The following BORCS8 variants were observed in gnomAD, a reference collection of about 807,000 sequenced individuals.
BORCS8 encodes the protein BLOC-1-related complex subunit 8.
A neutral mutation model predicts 18.7 loss-of-function variants in BORCS8; 13 were observed. That is an observed-to-expected ratio of 0.70 (90% CI 0.45 to 1.11). The LOEUF is 1.11. Ranked by LOEUF, BORCS8 falls within the 50% of genes least tolerant of loss-of-function variation. The pLI is 0.00. For synonymous variants in BORCS8, 68 were observed against 64.8 expected (o/e 1.05, Z -0.24); for missense variants, 165 against 165.7 (o/e 1.00, Z 0.02).
intron 1 of BORCS8, among the ~76,000 whole-genome samples, chr19:19,191,855 C>T (rs900503584): frequency 6.6e-6 from 1 of 152,204 alleles, no homozygotes; most frequent in Non-Finnish European, 1.5e-5. Context: ...ACAAAGCCAC[C>T]ACTCCCAGCC....
Position 19,182,285 on chromosome 19 carries a change from CA to C in BORCS8, c.326+287del. 1 of 647,106 alleles carries C rather than the reference CA, an allele frequency of 1.5e-6. No homozygotes were observed. Among genetic ancestry groups the C allele is most frequent in the African/African-American group, 1.9e-5 (1 of 53,860 alleles). 40.1% of individuals were successfully genotyped at this position (647,106 alleles called of 1,614,324 possible). A position where few individuals can be genotyped will look rare whatever the true frequency, so the allele number is the denominator to read the frequency against. ...GCGCATCTGACATGCTCTTGTCTGCCATGTTTACCTGGTTGTCGTATGTCTC... is the reference window on the plus strand; with the variant it reads ...GCGCATCTGACATGCTCTTGTCTGCCTGTTTACCTGGTTGTCGTATGTCTC... On this transcript the variant is annotated intron_variant, in intron 4 of 5. Transcript: ENST00000462790. This position sits in a 1 kb window ranked among gnomAD's most constrained non-coding sequence, Gnocchi z 4.1.
rs1568561923 is a variant in BORCS8, at chr19:19,177,690, AAGG to A, written c.*43-233_*43-231del. The A allele has an allele frequency of 2.3e-4, 13 of 55,594 alleles. No homozygotes were observed. The Admixed American group carries it at 2.6e-3, about 11-fold the overall frequency. 3.4% of individuals were successfully genotyped at this position (55,594 alleles called of 1,614,324 possible). A position where few individuals can be genotyped will look rare whatever the true frequency, so the allele number is the denominator to read the frequency against. Reference sequence around the variant, plus strand: ...GAAGGAAGGAAGGAAGGAAGGAAGGAAGGAAGAGAAAAGAAAAGAAAAGAAAAG... The same window carrying A: ...GAAGGAAGGAAGGAAGGAAGGAAGGAAAGAGAAAAGAAAAGAAAAGAAAAG... On this transcript the variant is annotated intron_variant, in intron 5 of 5. Transcript: ENST00000462790.
At chr19:19,178,399 G>C (rs1198215669) in intron 5 of BORCS8, 1 of 152,562 alleles carries the variant, frequency 6.6e-6, no homozygotes, top group Non-Finnish European at 1.5e-5. Context: ...CTGAGAGACA[G>C]ACCCAAGGCA....
At chr19:19,191,055 T>C (rs537136947) in intron 1 of BORCS8, among the ~76,000 whole-genome samples, 40 of 152,170 alleles carry the variant, frequency 2.6e-4, no homozygotes, top group Middle Eastern at 3.2e-3. Context: ...TAGGGTGATT[T>C]AAAGTATAGG....
At position 19,186,729 on chromosome 19, in the gene BORCS8, G is replaced by A. The variant is rs1438216383; in HGVS notation, c.150+164C>T. ...CTTGGCTATGTCCTGATAGCAGCATGAGAATGAACTAATACACACATCTTG... is the reference window on the plus strand; with the variant it reads ...CTTGGCTATGTCCTGATAGCAGCATAAGAATGAACTAATACACACATCTTG... On this transcript the variant is annotated intron_variant, in intron 2 of 5. Transcript: ENST00000462790. 3.9e-5 allele frequency among the ~76,000 whole-genome samples: 6 copies of A among 152,360 alleles called. No homozygotes were observed. The South Asian group carries it at 6.2e-4, about 16-fold the overall frequency.
intron 1 of BORCS8, among the ~76,000 whole-genome samples, chr19:19,188,052 T>C (rs1599760095): frequency 6.6e-6 from 1 of 150,794 alleles, no homozygotes; most frequent in East Asian, 2.0e-4. Flanking sequence ...TATTTTGAGA[T>C]GGAGTCTCAC....
chr19:19,183,409 C>CAAA (rs748324832), intron 3 of BORCS8, among the ~76,000 whole-genome samples: 101 of 115,974 alleles, frequency 8.7e-4, no homozygotes, highest in African/African-American at 2.5e-3. Context: ...GACTCCGTCT[C>CAAA]AAAAAAAAAA....
At chr19:19,184,920 G>C (rs930417174) in intron 3 of BORCS8, among the ~76,000 whole-genome samples, 4 of 152,000 alleles carry the variant, frequency 2.6e-5, no homozygotes, top group African/African-American at 9.7e-5. Context: ...CTTCTTTAGA[G>C]GAGAGGTCTG....
rs1426023547 is a variant in BORCS8 at position 19,182,885 on chromosome 19, C to CT, written c.216-203dup. ...GTGCAACACAGCACATTCTCTGCCA[C>CT]TGAAACATCTAATGTTTTGAAGGAG... On this transcript the variant is annotated intron_variant, in intron 3 of 5. Transcript: ENST00000462790. This position sits in a 1 kb window ranked among gnomAD's most constrained non-coding sequence, Gnocchi z 4.1. 5.3e-5 allele frequency among the ~76,000 whole-genome samples: 8 copies of CT among 152,290 alleles called. No homozygotes were observed. Among genetic ancestry groups the CT allele is most frequent in the Middle Eastern group, 3.4e-3 (1 of 294 alleles).
chr19:19,187,898 G>C (rs1410291830), intron 1 of BORCS8, among the ~76,000 whole-genome samples: 1 of 151,698 alleles, frequency 6.6e-6, no homozygotes, highest in African/African-American at 2.4e-5. Context: ...CTGGAGTGCA[G>C]TGGTGTGATC....
At chr19:19,189,626 A>G (rs2060446529) in intron 1 of BORCS8, among the ~76,000 whole-genome samples, 1 of 152,102 alleles carries the variant, frequency 6.6e-6, no homozygotes. Context: ...TCACTTGAGG[A>G]TAAGAATTTG....
chr19:19,184,358 T>G (rs902335002), intron 3 of BORCS8, among the ~76,000 whole-genome samples: 14 of 140,434 alleles, frequency 1.0e-4, no homozygotes, highest in Non-Finnish European at 1.4e-4. Flanking sequence ...CAGGCTGGAG[T>G]GCAATGGCGT....
chr19:19,188,100 GCT>G (rs1431733501), intron 1 of BORCS8, among the ~76,000 whole-genome samples: 1 of 151,880 alleles, frequency 6.6e-6, no homozygotes, highest in Non-Finnish European at 1.5e-5. Flanking sequence ...GGCAATCTTG[GCT>G]CACTGCAAGC....
At chr19:19,185,395 A>C (rs2060396003) in intron 3 of BORCS8, among the ~76,000 whole-genome samples, 1 of 152,216 alleles carries the variant, frequency 6.6e-6, no homozygotes. Context: ...AGTAACAAAA[A>C]GAAACACCGG....
chr19:19,182,438 A>G lies in BORCS8; in HGVS notation c.326+135T>C, dbSNP rs2060358099. 6.9e-7 allele frequency: 1 copy of G among 1,442,408 alleles called. No homozygotes were observed. Among genetic ancestry groups the G allele is most frequent in the Admixed American group, 2.6e-5 (1 of 38,828 alleles). 89.4% of individuals were successfully genotyped at this position (1,442,408 alleles called of 1,614,324 possible). On this transcript the variant is annotated intron_variant, in intron 4 of 5. Transcript: ENST00000462790. This position sits in a 1 kb window ranked among gnomAD's most constrained non-coding sequence, Gnocchi z 4.1. ...CAGGTTATAGATGCCACAGGACAAG[A>G]GGAGGTCACCAGACACCAGGACAAA...
intron 1 of BORCS8, among the ~76,000 whole-genome samples, chr19:19,189,916 C>CA (rs35611651): frequency 0.17 from 25,034 of 143,138 alleles, 2,441 homozygotes; most frequent in East Asian, 0.4. Context: ...GACTCTGTCC[C>CA]AAAAAAAAAA....
chr19:19,189,068 C>T (rs1267470227), intron 1 of BORCS8, among the ~76,000 whole-genome samples: 1 of 152,156 alleles, frequency 6.6e-6, no homozygotes, highest in Non-Finnish European at 1.5e-5. Flanking sequence ...CTCCTGACCT[C>T]AAGTGATCTG....
chr19:19,192,096 G>A lies in BORCS8; in HGVS notation c.22C>T (p.Leu8Phe). Residue 8 changes from leucine (L) to phenylalanine (F), a missense_variant, in exon 1 of 6, where the codon CTC becomes TTC. Transcript: ENST00000462790. MEEPEMQ[L>F]KGKKVTDKFT... ...CCCGCACCACCTTTCTTCCCCTTGAGCTGCATCTCCGGCTCCTCCATAGCG... is the reference window on the plus strand; with the variant it reads ...CCCGCACCACCTTTCTTCCCCTTGAACTGCATCTCCGGCTCCTCCATAGCG... The A allele has an allele frequency of 1.3e-6, 2 of 1,551,456 alleles. No individual in the cohort carries two copies. The highest frequency in any genetic ancestry group is 1.2e-5 in the South Asian group (1 of 84,064).
At chr19:19,187,074 G>A (rs2060416737) in intron 1 of BORCS8, 69 bp from the exon 2 acceptor site, 1 of 1,238,768 alleles carries the variant, frequency 8.1e-7, no homozygotes, top group Non-Finnish European at 1.1e-6. Context: ...TTGCTCAAGT[G>A]TTGAGCCCAG....
Sources: allele counts gnomAD v4.1 joint callset (sites outside exome capture counted in the v4.1 genomes callset), GRCh38; gene constraint gnomAD v4.1.1; non-coding constraint Gnocchi (gnomAD v3.1); transcripts MANE v1.5; gene names NCBI Gene and HGNC (gene_info 2026-07-23, HGNC 2026-07-21).